GALNT13: variants seen among roughly 807,000 people sequenced by gnomAD.
GALNT13 encodes the protein UDP-GalNAc:polypeptide N-acetylgalactosaminyltransferase 13.
A neutral mutation model predicts 64.2 loss-of-function variants in GALNT13; 28 were observed. The ratio of observed to expected loss-of-function variants is 0.44; its 90% CI spans 0.32 to 0.60. The LOEUF is 0.60. Ranked by LOEUF, GALNT13 falls within the 20% of genes least tolerant of loss-of-function variation. GALNT13 has a pLI of 0.05. For missense variants in GALNT13, 577 were observed against 669.8 expected (o/e 0.86, Z 1.53); for synonymous variants, 214 against 224.6 (o/e 0.95, Z 0.42).
chr2:153,872,630 G>T lies in GALNT13; in HGVS notation c.-177+327G>T, dbSNP rs1300753627. 8.4e-3 allele frequency among the ~76,000 whole-genome samples: 832 copies of T among 99,220 alleles called. 82 individuals are homozygous for T. Among genetic ancestry groups the T allele is most frequent in the African/African-American group, 0.029 (800 of 27,804 alleles). The allele number at this position is 99,220 out of a possible 152,430, so 65.1% of individuals were successfully genotyped here. A position where few individuals can be genotyped will look rare whatever the true frequency, so the allele number is the denominator to read the frequency against. Reference sequence around the variant, plus strand: ...TGAGTTGTTGGTGGCGGGGGGGGGGGGGGGAGCGGCTCTGGCCCCCTCTGC... The same window carrying T: ...TGAGTTGTTGGTGGCGGGGGGGGGGTGGGGAGCGGCTCTGGCCCCCTCTGC... On this transcript the variant is annotated intron_variant, in intron 1 of 12. Transcript: ENST00000392825.
Position 154,118,020 on chromosome 2 carries a change from CTGTT to C in GALNT13, c.143-22316_143-22313del, listed in dbSNP as rs1439170886. Among the ~76,000 whole-genome samples, 6 of 152,138 alleles carry C rather than the reference CTGTT, an allele frequency of 3.9e-5. No homozygotes were observed. In the East Asian group the frequency reaches 9.6e-4, roughly 24 times the overall value. On this transcript the variant is annotated intron_variant, in intron 3 of 12. Coordinates refer to ENST00000392825, the MANE Select transcript of GALNT13 (RefSeq NM_052917.4). Reference sequence around the variant, plus strand: ...GTTGGTTGGAAGATTCTATACATGTCTGTTAGATCCATTTTGTCTACAATGTTTT... The same window carrying C: ...GTTGGTTGGAAGATTCTATACATGTCAGATCCATTTTGTCTACAATGTTTT...
chr2:154,383,535 A>G (rs1698373838), intron 9 of GALNT13, among the ~76,000 whole-genome samples: 1 of 151,982 alleles, frequency 6.6e-6, no homozygotes, highest in South Asian at 2.1e-4. Flanking sequence ...ACTAAATTGT[A>G]ACAACAATTC....
chr2:153,360,739 G>T, the GALNT13 span, among the ~76,000 whole-genome samples: 2 of 152,166 alleles, frequency 1.3e-5, no homozygotes, highest in Non-Finnish European at 2.9e-5. Context: ...GAGCCCCTAG[G>T]GGGAGGGGTG....
At chr2:154,216,853 A>G (rs886805363) in intron 4 of GALNT13, among the ~76,000 whole-genome samples, 7 of 117,130 alleles carry the variant, frequency 6.0e-5, no homozygotes, top group African/African-American at 2.4e-4. Context: ...TCTGTTACCC[A>G]GGCACAAGTG....
the GALNT13 span, among the ~76,000 whole-genome samples, chr2:153,737,908 A>T: frequency 6.6e-6 from 1 of 152,068 alleles, no homozygotes; most frequent in Non-Finnish European, 1.5e-5. Context: ...AATGTAAGTG[A>T]TATGTTTATG....
intron 1 of GALNT13, among the ~76,000 whole-genome samples, chr2:153,880,196 G>A (rs931004881): frequency 2.0e-5 from 3 of 151,970 alleles, no homozygotes; most frequent in Non-Finnish European, 4.4e-5. Flanking sequence ...TAAATTTATG[G>A]ATTTTTTCTC....
chr2:153,256,470 C>T, the GALNT13 span, among the ~76,000 whole-genome samples: 2 of 152,200 alleles, frequency 1.3e-5, no homozygotes, highest in African/African-American at 4.8e-5. Context: ...CTCAGCTCCT[C>T]AACGTCATTC....
intron 1 of GALNT13, among the ~76,000 whole-genome samples, chr2:153,895,456 A>T (rs530289301): frequency 6.6e-6 from 1 of 152,070 alleles, no homozygotes; most frequent in Non-Finnish European, 1.5e-5. Flanking sequence ...ACAATTTTTC[A>T]TTTCAGTGTT....
At chr2:153,111,690 C>T in the GALNT13 span, among the ~76,000 whole-genome samples, 1 of 151,104 alleles carries the variant, frequency 6.6e-6, no homozygotes, top group Non-Finnish European at 1.5e-5. Context: ...AATTAAATTA[C>T]TCTCTAAAAG....
the GALNT13 span, among the ~76,000 whole-genome samples, chr2:153,134,568 A>G: frequency 6.6e-6 from 1 of 152,132 alleles, no homozygotes. Context: ...CAAAACTGAG[A>G]AAGTTGTCTT....
At chr2:153,615,052 C>G in the GALNT13 span, among the ~76,000 whole-genome samples, 1 of 152,082 alleles carries the variant, frequency 6.6e-6, no homozygotes, top group African/African-American at 2.4e-5. Flanking sequence ...CGTCTGGTAA[C>G]TATCCTTCTA....
At chr2:153,459,837 T>C in the GALNT13 span, among the ~76,000 whole-genome samples, 7 of 152,286 alleles carry the variant, frequency 4.6e-5, no homozygotes, top group South Asian at 1.5e-3. Flanking sequence ...AGCCACATTG[T>C]GTAGAAACAA....
intron 9 of GALNT13, among the ~76,000 whole-genome samples, chr2:154,308,209 A>T (rs1000944439): frequency 1.3e-5 from 2 of 152,136 alleles, no homozygotes; most frequent in Admixed American, 6.6e-5. Context: ...TCTGTATTCC[A>T]GTTAAACACA....
chr2:153,121,378 ACT>A, the GALNT13 span, among the ~76,000 whole-genome samples: 2 of 151,664 alleles, frequency 1.3e-5, no homozygotes, highest in Admixed American at 6.6e-5. Context: ...GTTAACTTAC[ACT>A]CTATTTTTTT....
the GALNT13 span, among the ~76,000 whole-genome samples, chr2:153,452,295 A>T: frequency 4.6e-5 from 7 of 152,288 alleles, no homozygotes; most frequent in African/African-American, 1.7e-4. Context: ...TAATTTAAAA[A>T]TAAGAGAATA....
intron 8 of GALNT13, among the ~76,000 whole-genome samples, chr2:154,272,316 A>G (rs1327708410): frequency 6.6e-6 from 1 of 152,068 alleles, no homozygotes; most frequent in Admixed American, 6.6e-5. Context: ...TAAACATACT[A>G]AGCAGAATGT....
the GALNT13 span, among the ~76,000 whole-genome samples, chr2:153,333,119 G>A: frequency 6.6e-6 from 1 of 152,232 alleles, no homozygotes; most frequent in East Asian, 1.9e-4. Flanking sequence ...GCATGGCCAT[G>A]CTGGCGGATT....
chr2:154,324,957 C>T (rs912001026), intron 9 of GALNT13, among the ~76,000 whole-genome samples: 3 of 151,948 alleles, frequency 2.0e-5, no homozygotes, highest in African/African-American at 7.3e-5. Flanking sequence ...GATGTCTCAC[C>T]CTGTTAATAA....
the GALNT13 span, among the ~76,000 whole-genome samples, chr2:153,295,056 A>T: frequency 6.6e-6 from 1 of 152,180 alleles, no homozygotes; most frequent in East Asian, 1.9e-4. Context: ...AAATAGACAC[A>T]GGTGAAGCCC....
Sources: gnomAD v4.1 joint callset for allele counts (sites outside exome capture counted in the v4.1 genomes callset) on GRCh38, gnomAD v4.1.1 for gene constraint, MANE v1.5 for transcripts, NCBI Gene and HGNC (gene_info 2026-07-23, HGNC 2026-07-21) for gene names.